RBFOX1: variants seen among roughly 807,000 people sequenced by gnomAD.
The protein encoded by RBFOX1 is RNA binding protein fox-1 homolog 1.
RBFOX1 carries 8 observed loss-of-function variants against 57.7 expected under a neutral mutation model. The ratio of observed to expected loss-of-function variants is 0.14; its 90% CI spans 0.08 to 0.25. The LOEUF is 0.25. Among genes scored for constraint, RBFOX1 ranks in the 10% least tolerant of loss-of-function variants. The pLI is 1.00. For synonymous variants in RBFOX1, 326 were observed against 222.4 expected, an observed-to-expected ratio of 1.47 and a Z score of -4.15; for missense variants, 611 against 548.5, an observed-to-expected ratio of 1.11 and a Z score of -1.14.
intron 4 of RBFOX1, among the ~76,000 whole-genome samples, chr16:5,992,327 A>G (rs2060414687): frequency 6.6e-6 from 1 of 152,098 alleles, no homozygotes; most frequent in Non-Finnish European, 1.5e-5. Context: ...TGCTTAGGCA[A>G]CTCTGTTCAG....
intron 4 of RBFOX1, among the ~76,000 whole-genome samples, chr16:7,298,244 A>T (rs769599548): frequency 1.4e-5 from 2 of 147,472 alleles, no homozygotes; most frequent in Non-Finnish European, 3.0e-5. Context: ...AGAAGCATCA[A>T]CCCACCACAA....
chr16:5,345,492 G>A (rs1024335927), intron 1 of RBFOX1, among the ~76,000 whole-genome samples: 10 of 152,206 alleles, frequency 6.6e-5, no homozygotes, highest in Non-Finnish European at 1.0e-4. Flanking sequence ...ACTGCAGGCA[G>A]ATCTTAGCAG....
intron 1 of RBFOX1, among the ~76,000 whole-genome samples, chr16:6,041,576 C>T (rs1219842447): frequency 1.3e-5 from 2 of 152,142 alleles, no homozygotes; most frequent in African/African-American, 4.8e-5. Flanking sequence ...ATGTGACTCC[C>T]TGAAGCCACA....
At chr16:7,593,137 C>T (rs1047003318) in intron 7 of RBFOX1, among the ~76,000 whole-genome samples, 3 of 152,028 alleles carry the variant, frequency 2.0e-5, no homozygotes, top group Non-Finnish European at 2.9e-5. Flanking sequence ...TTGATGGTTT[C>T]GATCACACGT....
rs747978977 is a variant in RBFOX1 at position 7,321,959 on chromosome 16, C to T, written c.28-196188C>T. Among the ~76,000 whole-genome samples, 6 of 152,234 alleles carry T rather than the reference C, an allele frequency of 3.9e-5. No individual in the cohort carries two copies. In the South Asian group the frequency reaches 8.3e-4, roughly 21 times the overall value. ...TCCAATGAGAGGTTCAGCTGCACAGCTTGGCACAGCTTGGTTCTGGGTCCC... is the reference window on the plus strand; with the variant it reads ...TCCAATGAGAGGTTCAGCTGCACAGTTTGGCACAGCTTGGTTCTGGGTCCC... On this transcript the variant is annotated intron_variant, in intron 4 of 15. Coordinates refer to ENST00000550418, the MANE Select transcript of RBFOX1 (RefSeq NM_018723.4).
At chr16:5,674,111 A>G (rs369715260) in intron 3 of RBFOX1, among the ~76,000 whole-genome samples, 5 of 152,364 alleles carry the variant, frequency 3.3e-5, no homozygotes, top group African/African-American at 9.6e-5. Flanking sequence ...TTCTACAGCA[A>G]AAGACACAGC....
intron 3 of RBFOX1, among the ~76,000 whole-genome samples, chr16:5,672,472 G>T (rs1422091430): frequency 2.0e-5 from 3 of 152,022 alleles, no homozygotes; most frequent in Non-Finnish European, 4.4e-5. Context: ...GCTGGCTTTG[G>T]GTGCACCTCA....
At chr16:7,118,887 C>G (rs1395685822) in intron 4 of RBFOX1, among the ~76,000 whole-genome samples, 3 of 152,114 alleles carry the variant, frequency 2.0e-5, no homozygotes, top group Non-Finnish European at 4.4e-5. Context: ...TTGCTCAGAT[C>G]TCTTAACTGT....
At chr16:6,633,309 C>G (rs1042258495) in intron 2 of RBFOX1, among the ~76,000 whole-genome samples, 7 of 152,096 alleles carry the variant, frequency 4.6e-5, no homozygotes, top group African/African-American at 1.7e-4. Context: ...CAGAGTGTCA[C>G]TCTTGTCGCC....
At chr16:5,915,701 G>A (rs969234696) in intron 4 of RBFOX1, among the ~76,000 whole-genome samples, 9 of 152,070 alleles carry the variant, frequency 5.9e-5, no homozygotes, top group Non-Finnish European at 1.0e-4. Flanking sequence ...GCATGGTGGC[G>A]CTTGCCTGTA....
chr16:6,448,148 T>TTTTC lies in RBFOX1; in HGVS notation c.-64+131099_-64+131102dup, dbSNP rs1470254184. ...AGACATTTTTCTTTTTTTTCTTTTCTTTTCTTTCTTTTTTTTTTTTTTTTT... is the reference window on the plus strand; with the variant it reads ...AGACATTTTTCTTTTTTTTCTTTTCTTTTCTTTCTTTCTTTTTTTTTTTTTTTTT... On this transcript the variant is annotated intron_variant, in intron 2 of 15. Transcript: ENST00000550418. Among the ~76,000 whole-genome samples, 13 of 121,722 alleles carry TTTTC rather than the reference T, an allele frequency of 1.1e-4. No homozygotes were observed. In the South Asian group the frequency reaches 1.1e-3, roughly 10 times the overall value. The allele number at this position is 121,722 out of a possible 152,430, so 79.9% of individuals were successfully genotyped here. A position where few individuals can be genotyped will look rare whatever the true frequency, so the allele number is the denominator to read the frequency against.
chr16:7,356,755 C>G (rs1477556587), intron 4 of RBFOX1, among the ~76,000 whole-genome samples: 2 of 152,208 alleles, frequency 1.3e-5, no homozygotes, highest in African/African-American at 2.4e-5. Flanking sequence ...TTTCTTAAAA[C>G]AGGGACACTC....
intron 5 of RBFOX1, among the ~76,000 whole-genome samples, chr16:7,538,244 A>G (rs765795634): frequency 6.6e-6 from 1 of 152,150 alleles, no homozygotes; most frequent in South Asian, 2.1e-4. Flanking sequence ...GTTTTCTTTC[A>G]TGAGTCCTTC....
chr16:7,695,204 G>A (rs2078410170), intron 14 of RBFOX1, among the ~76,000 whole-genome samples: 1 of 152,112 alleles, frequency 6.6e-6, no homozygotes. Flanking sequence ...TGCTTCATAA[G>A]GTTCCGTTTG....
chr16:7,227,822 G>A lies in RBFOX1; in HGVS notation c.27+175724G>A, dbSNP rs540693674. Among the ~76,000 whole-genome samples the A allele has an allele frequency of 5.9e-5, 9 of 152,292 alleles. No individual in the cohort carries two copies. In the East Asian group the frequency reaches 1.7e-3, roughly 29 times the overall value. On this transcript the variant is annotated intron_variant, in intron 4 of 15. Coordinates refer to ENST00000550418, the MANE Select transcript of RBFOX1 (RefSeq NM_018723.4). ...CCTCATCACGGCAGCTGCATGTGTG[G>A]GTAAGCCCACGGTGATGATGACTTC...
chr16:7,148,566 T>G (rs777188857), intron 4 of RBFOX1, among the ~76,000 whole-genome samples: 25 of 152,358 alleles, frequency 1.6e-4, no homozygotes, highest in Non-Finnish European at 3.2e-4. Context: ...CATAGCTGTT[T>G]GATCGAGAAT....
At chr16:6,950,873 TTCTC>T (rs2080586952) in intron 3 of RBFOX1, among the ~76,000 whole-genome samples, 1 of 151,448 alleles carries the variant, frequency 6.6e-6, no homozygotes, top group African/African-American at 2.4e-5. Context: ...TTGTCTCTCT[TTCTC>T]TCTTTCTGTT....
Position 5,882,432 on chromosome 16 carries a change from A to G in RBFOX1, c.351+15097A>G, listed in dbSNP as rs74004674. On this transcript the variant is annotated intron_variant, in intron 4 of 19. Transcript: ENST00000641259. ...TACTTTTGCCCCCCTCCCATTGGCC[A>G]GAACTCAGTCACTTGGTCTCATAAA... Among the ~76,000 whole-genome samples the G allele has an allele frequency of 5.0e-3, 766 of 152,336 alleles. 7 individuals carry two copies. The highest frequency in any genetic ancestry group is 0.017 in the African/African-American group (706 of 41,572).
chr16:7,007,445 T>C (rs1047610547), intron 3 of RBFOX1, among the ~76,000 whole-genome samples: 2 of 152,210 alleles, frequency 1.3e-5, no homozygotes, highest in East Asian at 1.9e-4. Flanking sequence ...TCCGTATTTT[T>C]AGGTGCATAC....
Sources: allele counts gnomAD v4.1 joint callset (sites outside exome capture counted in the v4.1 genomes callset), GRCh38; gene constraint gnomAD v4.1.1; transcripts MANE v1.5; gene names NCBI Gene and HGNC (gene_info 2026-07-23, HGNC 2026-07-21).